RSL1D1: variants seen among roughly 807,000 people sequenced by gnomAD.
The protein encoded by RSL1D1 is ribosomal L1 domain containing 1, also known as ribosomal L1 domain-containing protein 1.
A neutral mutation model predicts 44.6 loss-of-function variants in RSL1D1; 34 were observed. The observed-to-expected ratio is 0.76, with a 90% CI of 0.58 to 1.02. RSL1D1 has a LOEUF of 1.02. Among genes scored for constraint, RSL1D1 ranks in the 50% least tolerant of loss-of-function variants. RSL1D1 has a pLI of 0.00. For missense variants in RSL1D1, 767 were observed against 568.1 expected, an observed-to-expected ratio of 1.35 and a Z score of -3.56; for synonymous variants, 271 against 207.4, an observed-to-expected ratio of 1.31 and a Z score of -2.63.
At chr16:11,850,555 G>A (rs898281886) in intron 1 of RSL1D1, 137 bp from the exon 2 acceptor site, 1 of 805,608 alleles carries the variant, frequency 1.2e-6, no homozygotes, top group Non-Finnish European at 1.9e-6. Flanking sequence ...TCTATTTCAA[G>A]GGGTAACCTC....
intron 5 of RSL1D1, 104 bp downstream of exon 5, chr16:11,846,394 CAAA>C (rs374311615): frequency 3.7e-6 from 2 of 537,828 alleles, no homozygotes; most frequent in South Asian, 2.5e-5. Context: ...GACTCCATCT[CAAA>C]AAAAAAAAAC....
intron 8 of RSL1D1, 141 bp downstream of exon 8, chr16:11,839,553 AT>A: frequency 7.7e-6 from 10 of 1,295,532 alleles, no homozygotes; most frequent in Middle Eastern, 2.8e-4. Context: ...AAAAGGTACA[AT>A]AAATCATGAT....
chr16:11,841,667 T>C (rs200649739), intron 7 of RSL1D1, 28 bp downstream of exon 7: 1 of 1,594,334 alleles, frequency 6.3e-7, no homozygotes, highest in Non-Finnish European at 8.6e-7. Context: ...TCATTATTCA[T>C]TCTGTAAGTA....
chr16:11,850,466 T>C, intron 1 of RSL1D1, 48 bp from the exon 2 acceptor site: 1 of 1,557,372 alleles, frequency 6.4e-7, no homozygotes, highest in Non-Finnish European at 8.6e-7. Context: ...TCACAATAAC[T>C]TACACAAATA....
rs2053714215 is a variant in RSL1D1, at chr16:11,835,980, C to T, written c.*1807G>A. ...TGGATAAAATCCAGGGCCTGTGGCT[C>T]TGGAATGTCTAGACTTGCTGGCTCC... On this transcript the variant is annotated 3_prime_UTR_variant, in exon 9 of 9. Transcript: ENST00000571133. The T allele has an allele frequency of 6.6e-6, 1 of 152,150 alleles. No homozygotes were observed. The highest frequency in any genetic ancestry group is 1.5e-5 in the Non-Finnish European group (1 of 68,040). 9.4% of individuals were successfully genotyped at this position (152,150 alleles called of 1,614,324 possible).
At position 11,837,656 on chromosome 16, in the gene RSL1D1, T is replaced by C. The variant is rs1596436874; in HGVS notation, c.*131A>G. On this transcript the variant is annotated 3_prime_UTR_variant, in exon 9 of 9. Coordinates refer to ENST00000571133, the MANE Select transcript of RSL1D1 (RefSeq NM_015659.3). ...TGAGCCACCGCCCCTGGACTACTTA[T>C]GGAGGTTTTAAAAAATCTTTTAAGT... The C allele has an allele frequency of 9.3e-6, 8 of 864,688 alleles. No individual in the cohort carries two copies. Among genetic ancestry groups the C allele is most frequent in the South Asian group, 3.4e-5 (2 of 58,498 alleles). The allele number at this position is 864,688 out of a possible 1,614,324, so 53.6% of individuals were successfully genotyped here. A position where few individuals can be genotyped will look rare whatever the true frequency, so the allele number is the denominator to read the frequency against.
chr16:11,839,733 G>T lies in RSL1D1; in HGVS notation c.1108C>A (p.Pro370Thr), dbSNP rs746907014. Residue 370 changes from proline (P) to threonine (T), a missense_variant, in exon 8 of 9, where the codon CCA (proline) becomes ACA (threonine). By Grantham distance (38) the Pro-to-Thr change is conservative. Coordinates refer to ENST00000571133, the MANE Select transcript of RSL1D1 (RefSeq NM_015659.3). ...TTAGCTGGAGTCTTCTTTCCTATTG[G>T]TACCAGCTGTGGGATTTCGTCTTCG... ...ESEDEIPQLV[P>T]IGKKTPANEK... is the part of the protein sequence containing the mutation. The T allele has an allele frequency of 5.6e-6, 9 of 1,613,830 alleles. 1 individual carries two copies. The highest frequency in any genetic ancestry group is 5.1e-6 in the Non-Finnish European group (6 of 1,180,002).
Position 11,839,695 on chromosome 16 carries a change from C to G in RSL1D1, c.1146G>C (p.Glu382Asp). The G allele has an allele frequency of 6.2e-7, 1 of 1,613,556 alleles. No homozygotes were observed. The highest frequency in any genetic ancestry group is 8.5e-7 in the Non-Finnish European group (1 of 1,179,882). The stretch of plus-strand genomic sequence containing the variant: ...TGAACAGTAAATATTAAAACAATAC[C>G]TCTACTTTTTCATTAGCTGGAGTCT... Reference protein sequence around the residue: ...GKKTPANEKVEIQKHATGKKS... With the variant: ...GKKTPANEKVDIQKHATGKKS... Residue 382 changes from glutamate (E) to aspartate (D), a missense_variant and splice_region_variant, in exon 8 of 9, where the codon GAG becomes GAC. By Grantham distance (45) the Glu-to-Asp change is conservative (BLOSUM62 2). Transcript: ENST00000571133.
chr16:11,850,309 T>C lies in RSL1D1; in HGVS notation c.215A>G (p.Lys72Arg). The C allele has an allele frequency of 6.3e-7, 1 of 1,587,536 alleles. No individual in the cohort carries two copies. ...GACCCTCAGTTCTTTACTTGGAATT[T>C]TCCATAATACCACCATTAAAAATAA... ...ESLFLMVVLW[K>R]IPSKELRVRL... Residue 72 changes from lysine (K) to arginine (R), a missense_variant, in exon 2 of 9, where the codon AAA becomes AGA. Coordinates refer to ENST00000571133, the MANE Select transcript of RSL1D1 (RefSeq NM_015659.3).
intron 5 of RSL1D1, among the ~76,000 whole-genome samples, 200 bp from the exon 6 acceptor site, chr16:11,842,200 G>T (rs1377930059): frequency 6.6e-6 from 1 of 151,972 alleles, no homozygotes; most frequent in African/African-American, 2.4e-5. Flanking sequence ...GGTGGTACAT[G>T]CCTGTAATCC....
At position 11,839,715 on chromosome 16, in the gene RSL1D1, G is replaced by T. The variant is rs969231885; in HGVS notation, c.1126C>A (p.Pro376Thr). The T allele has an allele frequency of 6.2e-7, 1 of 1,613,526 alleles. No individual in the cohort carries two copies. Among genetic ancestry groups the T allele is most frequent in the Non-Finnish European group, 8.5e-7 (1 of 1,179,872 alleles). Reference protein sequence around the residue: ...PQLVPIGKKTPANEKVEIQKH... With the variant: ...PQLVPIGKKTTANEKVEIQKH... ...AATACCTCTACTTTTTCATTAGCTG[G>T]AGTCTTCTTTCCTATTGGTACCAGC... The change falls in exon 8 of 9, where the codon CCA (proline) becomes ACA (threonine). Residue 376 changes from proline (P) to threonine (T), a missense_variant. By Grantham distance (38) the Pro-to-Thr change is conservative (BLOSUM62 -1). Coordinates refer to ENST00000571133, the MANE Select transcript of RSL1D1 (RefSeq NM_015659.3).
intron 8 of RSL1D1, 107 bp downstream of exon 8, chr16:11,839,588 T>G: frequency 1.4e-6 from 2 of 1,473,398 alleles, no homozygotes; most frequent in Non-Finnish European, 1.8e-6. Context: ...TCACAGTTCT[T>G]TGGGTTCACT....
At position 11,839,696 on chromosome 16, in the gene RSL1D1, T is replaced by G. The variant is rs200679514; in HGVS notation, c.1145A>C (p.Glu382Ala). Residue 382 changes from glutamate to alanine, a missense_variant and splice_region_variant, in exon 8 of 9, where the codon GAG becomes GCG. By Grantham distance (107) the Glu-to-Ala change is moderately radical. Coordinates refer to ENST00000571133, the MANE Select transcript of RSL1D1 (RefSeq NM_015659.3). ...GKKTPANEKV[E>A]IQKHATGKKS... The stretch of plus-strand genomic sequence containing the variant: ...GAACAGTAAATATTAAAACAATACC[T>G]CTACTTTTTCATTAGCTGGAGTCTT... 18 of 1,613,522 alleles carry G rather than the reference T, an allele frequency of 1.1e-5. No individual in the cohort carries two copies. In the African/African-American group the frequency reaches 2.4e-4, roughly 22 times the overall value.
chr16:11,842,922 A>AC (rs2053772507), intron 5 of RSL1D1, among the ~76,000 whole-genome samples: 1 of 106,764 alleles, frequency 9.4e-6, no homozygotes, highest in African/African-American at 3.9e-5. Context: ...CGCCCAGCTA[A>AC]TTTTTTTTTT....
At chr16:11,850,666 G>A (rs1459558093) in intron 1 of RSL1D1, among the ~76,000 whole-genome samples, 1 of 152,098 alleles carries the variant, frequency 6.6e-6, no homozygotes, top group Non-Finnish European at 1.5e-5. Context: ...GTGCAGAAGG[G>A]CACCTCTTCT....
chr16:11,839,550 A>AT (rs1186544380), intron 8 of RSL1D1, 145 bp downstream of exon 8: 14 of 1,120,586 alleles, frequency 1.2e-5, no homozygotes, highest in Non-Finnish European at 1.7e-5. Context: ...AAAAAAAGGT[A>AT]CAATAAATCA....
At chr16:11,849,579 G>A (rs956273648) in intron 2 of RSL1D1, among the ~76,000 whole-genome samples, 1 of 152,130 alleles carries the variant, frequency 6.6e-6, no homozygotes, top group African/African-American at 2.4e-5. Flanking sequence ...CTTTTCCATA[G>A]ACAGAAATTC....
chr16:11,846,415 A>G, intron 5 of RSL1D1, 86 bp downstream of exon 5: 1 of 822,090 alleles, frequency 1.2e-6, no homozygotes, highest in Non-Finnish European at 1.9e-6. Context: ...AACAAAAACA[A>G]AAAACAAAAC....
At chr16:11,847,371 A>G (rs2053806311) in intron 3 of RSL1D1, among the ~76,000 whole-genome samples, 1 of 152,058 alleles carries the variant, frequency 6.6e-6, no homozygotes, top group South Asian at 2.1e-4. Context: ...CGAGACTCCA[A>G]ACAAACAAAA....
Sources: allele counts gnomAD v4.1 joint callset (sites outside exome capture counted in the v4.1 genomes callset), GRCh38; gene constraint gnomAD v4.1.1; transcripts MANE v1.5; gene names NCBI Gene and HGNC (gene_info 2026-07-23, HGNC 2026-07-21).